ROBO2: variants seen among roughly 807,000 people sequenced by gnomAD.
ROBO2 encodes roundabout guidance receptor 2.
In ROBO2, 53 loss-of-function variants were observed where a neutral mutation model predicts 160.8. The ratio of observed to expected loss-of-function variants is 0.33; its 90% CI spans 0.26 to 0.41. ROBO2 has a LOEUF of 0.41. Ranked by LOEUF, ROBO2 falls within the 10% of genes least tolerant of loss-of-function variation. The pLI is 1.00. For synonymous variants in ROBO2, 664 were observed against 611.7 expected, an observed-to-expected ratio of 1.09 and a Z score of -1.26; for missense variants, 1,577 against 1,722.4, an observed-to-expected ratio of 0.92 and a Z score of 1.49.
chr3:76,813,153 C>A (rs2065350158), intron 2 of ROBO2, among the ~76,000 whole-genome samples: 1 of 151,904 alleles, frequency 6.6e-6, no homozygotes, highest in African/African-American at 2.4e-5. Flanking sequence ...GAACATTCTG[C>A]CTGCAGCACC....
At chr3:77,440,029 T>C (rs2079749331) in intron 2 of ROBO2, among the ~76,000 whole-genome samples, 1 of 152,168 alleles carries the variant, frequency 6.6e-6, no homozygotes, top group South Asian at 2.1e-4. Flanking sequence ...TAGTTTTAAA[T>C]ACAGAAGATA....
chr3:76,723,330 T>G (rs2093494593), intron 2 of ROBO2, among the ~76,000 whole-genome samples: 1 of 152,196 alleles, frequency 6.6e-6, no homozygotes, highest in Non-Finnish European at 1.5e-5. Flanking sequence ...TTGAGTTCCT[T>G]TTATATACAT....
intron 2 of ROBO2, among the ~76,000 whole-genome samples, chr3:76,165,996 T>C (rs1017807618): frequency 1.3e-5 from 2 of 152,062 alleles, no homozygotes; most frequent in Non-Finnish European, 2.9e-5. Flanking sequence ...GTAACATCAA[T>C]GATCACTGAT....
intron 2 of ROBO2, among the ~76,000 whole-genome samples, chr3:76,241,939 A>G (rs765000745): frequency 6.6e-6 from 1 of 152,236 alleles, no homozygotes; most frequent in Non-Finnish European, 1.5e-5. Flanking sequence ...AGAAGAGATT[A>G]GAATCCTATT....
intron 2 of ROBO2, among the ~76,000 whole-genome samples, chr3:76,639,820 C>A (rs1433275103): frequency 6.6e-6 from 1 of 152,070 alleles, no homozygotes; most frequent in Non-Finnish European, 1.5e-5. Flanking sequence ...GAAAATTTCC[C>A]CACACATTTA....
intron 2 of ROBO2, among the ~76,000 whole-genome samples, chr3:76,172,056 C>G (rs1253810753): frequency 6.6e-6 from 1 of 152,090 alleles, no homozygotes; most frequent in Non-Finnish European, 1.5e-5. Context: ...AATGAGCAGG[C>G]CCAAACCACA....
At chr3:76,046,617 C>T (rs1452197013) in intron 2 of ROBO2, among the ~76,000 whole-genome samples, 1 of 151,954 alleles carries the variant, frequency 6.6e-6, no homozygotes. Flanking sequence ...CACTGCACTC[C>T]AGCCTGGGTG....
At chr3:77,334,633 C>T (rs2153446217) in intron 2 of ROBO2, among the ~76,000 whole-genome samples, 1 of 152,278 alleles carries the variant, frequency 6.6e-6, no homozygotes. Context: ...AGCAAACTTC[C>T]TGGCAGGAGC....
rs927731912 is a variant in ROBO2 at position 77,460,705 on chromosome 3, TA to T, written c.389-16700del. ...CATTATGTAGGAATTCAGGGGAGAA[TA>T]AAAAAAAACTGTAGGAATTTTCCAC... On this transcript the variant is annotated intron_variant, in intron 2 of 25. Transcript: ENST00000461745. Among the ~76,000 whole-genome samples, 502 of 151,362 alleles carry T rather than the reference TA, an allele frequency of 3.3e-3. 4 individuals are homozygous for T. The highest frequency in any genetic ancestry group is 0.011 in the African/African-American group (465 of 41,352).
chr3:77,220,027 T>G (rs2085571711), intron 2 of ROBO2, among the ~76,000 whole-genome samples: 2 of 151,960 alleles, frequency 1.3e-5, no homozygotes, highest in Non-Finnish European at 2.9e-5. Context: ...TTGTTTTGCT[T>G]TGAGATGGAG....
At chr3:76,017,758 A>G (rs1414669345) in intron 2 of ROBO2, among the ~76,000 whole-genome samples, 3 of 152,126 alleles carry the variant, frequency 2.0e-5, no homozygotes, top group African/African-American at 7.2e-5. Context: ...AATGTGGAGC[A>G]AAACTATAAA....
intron 2 of ROBO2, among the ~76,000 whole-genome samples, chr3:76,730,192 C>T (rs1291950641): frequency 6.7e-6 from 1 of 149,854 alleles, no homozygotes; most frequent in Non-Finnish European, 1.5e-5. Context: ...CTCCTACTCC[C>T]TACTCGCTTG....
chr3:77,241,384 G>A (rs1362274044), intron 2 of ROBO2, among the ~76,000 whole-genome samples: 1 of 152,018 alleles, frequency 6.6e-6, no homozygotes, highest in Non-Finnish European at 1.5e-5. Context: ...CTTTTTATTT[G>A]TAAGTTTGAC....
At chr3:76,295,405 C>A (rs982118520) in intron 2 of ROBO2, among the ~76,000 whole-genome samples, 2 of 151,864 alleles carry the variant, frequency 1.3e-5, no homozygotes, top group African/African-American at 4.8e-5. Flanking sequence ...GTTACGTAAT[C>A]CCTGCCCTCA....
At chr3:76,830,178 A>T (rs1024431863) in intron 2 of ROBO2, among the ~76,000 whole-genome samples, 2 of 151,994 alleles carry the variant, frequency 1.3e-5, no homozygotes, top group Non-Finnish European at 2.9e-5. Context: ...CCCCCCCTCC[A>T]TGCATGCTAT....
intron 2 of ROBO2, among the ~76,000 whole-genome samples, chr3:76,788,896 C>G (rs1020709747): frequency 5.3e-5 from 8 of 151,506 alleles, no homozygotes; most frequent in Non-Finnish European, 1.0e-4. Context: ...GAACACTGAT[C>G]CTATTATAGC....
intron 2 of ROBO2, among the ~76,000 whole-genome samples, chr3:76,422,289 T>G (rs1472308468): frequency 6.6e-6 from 1 of 152,236 alleles, no homozygotes; most frequent in South Asian, 2.1e-4. Flanking sequence ...TTATGATACT[T>G]TCTTATCAAG....
intron 2 of ROBO2, among the ~76,000 whole-genome samples, chr3:76,600,731 G>A (rs201893290): frequency 2.0e-5 from 3 of 152,062 alleles, no homozygotes; most frequent in East Asian, 1.9e-4. Context: ...TTTGGGTGGG[G>A]ACACAGACAA....
chr3:76,001,858 A>T (rs1314170741), intron 2 of ROBO2, among the ~76,000 whole-genome samples: 1 of 152,178 alleles, frequency 6.6e-6, no homozygotes, highest in African/African-American at 2.4e-5. Context: ...AAATTATCTT[A>T]TTTTATATAT....
Sources: gnomAD v4.1 joint callset for allele counts (sites outside exome capture counted in the v4.1 genomes callset) on GRCh38, gnomAD v4.1.1 for gene constraint, MANE v1.5 for transcripts, NCBI Gene and HGNC (gene_info 2026-07-23, HGNC 2026-07-21) for gene names.